The following DCPH1 variants were observed in gnomAD, a reference collection of about 807,000 sequenced individuals.
The protein encoded by DCPH1 is damage-control phosphatase 1.
the DCPH1 span, among the ~76,000 whole-genome samples, chr6:151,467,110 G>C: frequency 1.3e-5 from 2 of 152,000 alleles, no homozygotes; most frequent in Admixed American, 1.3e-4. Flanking sequence ...AAATTAGCCA[G>C]GCGTGGTGGT....
At chr6:151,464,711 C>A in the DCPH1 span, 2 of 803,676 alleles carry the variant, frequency 2.5e-6, no homozygotes, top group South Asian at 2.7e-5. Context: ...TTTTTCTTTG[C>A]TATAATTGAT....
the DCPH1 span, chr6:151,464,380 A>G: frequency 1.2e-4 from 122 of 1,044,162 alleles, no homozygotes; most frequent in Non-Finnish European, 1.5e-4. Flanking sequence ...GTATGGTGCT[A>G]TTTTCTTTCA....
chr6:151,453,314 CAGGAAATGTAGTAGTT>C, the DCPH1 span, among the ~76,000 whole-genome samples: 1 of 152,078 alleles, frequency 6.6e-6, no homozygotes, highest in Non-Finnish European at 1.5e-5. Context: ...TCCAGAGGTG[CAGGAAATGTAGTAGTT>C]AGGAAAACAG....
chr6:151,452,524 G>A, the DCPH1 span: 1 of 1,611,192 alleles, frequency 6.2e-7, no homozygotes, highest in Non-Finnish European at 8.5e-7. Context: ...GCCGAGCTTT[G>A]CGGCCGGGAT....
chr6:151,458,333 C>T, the DCPH1 span: 6 of 1,609,558 alleles, frequency 3.7e-6, no homozygotes, highest in African/African-American at 2.7e-5. Context: ...TGCAGGAAGG[C>T]GTGGAAGCTG....
chr6:151,454,708 A>C, the DCPH1 span: 1 of 862,876 alleles, frequency 1.2e-6, no homozygotes, highest in South Asian at 1.5e-5. Flanking sequence ...GAAACATAAT[A>C]AATAGTTCTT....
chr6:151,452,761 A>G, the DCPH1 span: 1 of 612,968 alleles, frequency 1.6e-6, no homozygotes. Flanking sequence ...AGGCGAAGGG[A>G]GGCGGCCCCG....
chr6:151,452,695 C>A, the DCPH1 span: 1 of 1,187,690 alleles, frequency 8.4e-7, no homozygotes, highest in South Asian at 1.4e-5. Flanking sequence ...CGTTCGAGTC[C>A]CGCCGCCGGG....
At chr6:151,456,499 A>G in the DCPH1 span, among the ~76,000 whole-genome samples, 1 of 152,230 alleles carries the variant, frequency 6.6e-6, no homozygotes, top group Non-Finnish European at 1.5e-5. Flanking sequence ...GACACTGACA[A>G]TTATATTGCT....
chr6:151,467,727 T>C, the DCPH1 span, among the ~76,000 whole-genome samples: 2 of 152,216 alleles, frequency 1.3e-5, no homozygotes, highest in African/African-American at 2.4e-5. Context: ...ACATACTGTT[T>C]TTCTACAAAA....
chr6:151,464,497 A>G, the DCPH1 span: 1 of 1,610,520 alleles, frequency 6.2e-7, no homozygotes, highest in African/African-American at 1.3e-5. Flanking sequence ...TCAAAAGAGC[A>G]AAATTTCTAT....
chr6:151,456,912 C>G, the DCPH1 span, among the ~76,000 whole-genome samples: 1 of 152,276 alleles, frequency 6.6e-6, no homozygotes, highest in South Asian at 2.1e-4. Context: ...CCTGTATGCC[C>G]GTAATCACCA....
the DCPH1 span, chr6:151,452,669 G>A: frequency 3.6e-6 from 5 of 1,372,070 alleles, no homozygotes; most frequent in Admixed American, 4.9e-5. Flanking sequence ...GAGGGCGCCC[G>A]CTCCCCGGTG....
chr6:151,452,543 G>T, the DCPH1 span: 3 of 1,611,886 alleles, frequency 1.9e-6, no homozygotes, highest in Non-Finnish European at 1.7e-6. Context: ...ATCGCGGAAA[G>T]TGATGGCTGT....
chr6:151,466,924 T>TA, the DCPH1 span, among the ~76,000 whole-genome samples: 27 of 151,930 alleles, frequency 1.8e-4, no homozygotes, highest in South Asian at 1.5e-3. Context: ...GCCTTTTTTT[T>TA]AAAAAAAATT....
At chr6:151,458,708 T>C in the DCPH1 span, 1 of 641,594 alleles carries the variant, frequency 1.6e-6, no homozygotes, top group Non-Finnish European at 2.6e-6. Context: ...ATAGCATTGT[T>C]GGACATTTCT....
chr6:151,454,535 G>T, the DCPH1 span: 2 of 1,255,702 alleles, frequency 1.6e-6, no homozygotes, highest in South Asian at 2.5e-5. Context: ...TATTGCATGT[G>T]ACTCTTTTCT....
At chr6:151,460,545 G>A in the DCPH1 span, among the ~76,000 whole-genome samples, 1 of 151,758 alleles carries the variant, frequency 6.6e-6, no homozygotes, top group Non-Finnish European at 1.5e-5. Context: ...CAGCACTTTG[G>A]GAGGCCGAGG....
chr6:151,453,769 T>TG, the DCPH1 span, among the ~76,000 whole-genome samples: 15 of 152,244 alleles, frequency 9.9e-5, no homozygotes, highest in Admixed American at 5.9e-4. Flanking sequence ...ACCTGTATCA[T>TG]GTATTTCCTT....
Sources: gnomAD v4.1 joint callset for allele counts (sites outside exome capture counted in the v4.1 genomes callset) on GRCh38, gnomAD v4.1.1 for gene constraint, MANE v1.5 for transcripts, NCBI Gene and HGNC (gene_info 2026-07-23, HGNC 2026-07-21) for gene names.